Variants in DLGAP1 observed in about 807,000 individuals in gnomAD.
The protein encoded by DLGAP1 is DLG associated protein 1.
A neutral mutation model predicts 90.8 loss-of-function variants in DLGAP1; 11 were observed. That is an observed-to-expected ratio of 0.12 (90% confidence interval 0.08 to 0.20). The LOEUF (loss-of-function observed/expected upper bound fraction) is 0.20. Among genes scored for constraint, DLGAP1 ranks in the 10% least tolerant of loss-of-function variants. The pLI, the probability that DLGAP1 is intolerant of heterozygous loss-of-function variation, is 1.00. For synonymous variants in DLGAP1, 558 were observed against 540.7 expected, an observed-to-expected ratio of 1.03 and a Z score of -0.44; for missense variants, 1,050 against 1,333.8, an observed-to-expected ratio of 0.79 and a Z score of 3.31.
chr18:4,165,834 T>A lies in DLGAP1; in HGVS notation c.-266-14547A>T, dbSNP rs1453672560. ...TAGAGAAAATATTTGCAAACATATG[T>A]CTGGTAAGGGACTAATATCCAAAAT... On this transcript the variant is annotated intron_variant, in intron 1 of 12. Coordinates refer to ENST00000315677, the MANE Select transcript of DLGAP1 (RefSeq NM_004746.4). Among the ~76,000 whole-genome samples, 3 of 152,144 alleles carry A rather than the reference T, an allele frequency of 2.0e-5. No homozygotes were observed. In the East Asian group the frequency reaches 5.8e-4, roughly 29 times the overall value.
chr18:4,179,184 C>CT (rs887955626), intron 1 of DLGAP1, among the ~76,000 whole-genome samples: 7 of 151,960 alleles, frequency 4.6e-5, no homozygotes, highest in South Asian at 2.1e-4. Context: ...GTCTGTACCT[C>CT]TTTTTTTTGT....
chr18:4,234,921 T>C (rs1337248270), intron 1 of DLGAP1, among the ~76,000 whole-genome samples: 3 of 152,212 alleles, frequency 2.0e-5, no homozygotes, highest in African/African-American at 7.2e-5. Flanking sequence ...ACGTGAACCC[T>C]GAACTTTGTG....
At chr18:3,921,305 T>C (rs1456308023) in intron 3 of DLGAP1, among the ~76,000 whole-genome samples, 1 of 152,202 alleles carries the variant, frequency 6.6e-6, no homozygotes, top group Admixed American at 6.5e-5. Flanking sequence ...AGTTTATTTA[T>C]TTGAGAAAAA....
chr18:3,512,065 CT>C (rs5822764), intron 10 of DLGAP1, among the ~76,000 whole-genome samples: 61,744 of 147,656 alleles, frequency 0.42, 13,444 homozygotes, highest in East Asian at 0.63. Context: ...TCTGGTCATG[CT>C]TTTTTTTTTT....
At chr18:4,013,674 C>A (rs2074469754) in intron 2 of DLGAP1, 6 of 152,212 alleles carry the variant, frequency 3.9e-5, no homozygotes, top group Admixed American at 3.3e-4. Context: ...AGCCACCACA[C>A]ACTTTTGTCC....
intron 7 of DLGAP1, among the ~76,000 whole-genome samples, chr18:3,692,823 A>G (rs998856214): frequency 6.6e-6 from 1 of 152,234 alleles, no homozygotes; most frequent in African/African-American, 2.4e-5. Context: ...CTGGAAATTC[A>G]AACAACTTCT....
chr18:4,071,711 G>A (rs1260978505), intron 2 of DLGAP1, among the ~76,000 whole-genome samples: 1 of 152,140 alleles, frequency 6.6e-6, no homozygotes, highest in Non-Finnish European at 1.5e-5. Context: ...ATTGTAATAG[G>A]TCCAAAAGGA....
intron 2 of DLGAP1, among the ~76,000 whole-genome samples, chr18:4,062,972 C>T (rs2075319320): frequency 6.6e-6 from 1 of 152,082 alleles, no homozygotes; most frequent in South Asian, 2.1e-4. Flanking sequence ...TTGCTTCTAA[C>T]ATATACACAC....
intron 7 of DLGAP1, among the ~76,000 whole-genome samples, chr18:3,647,471 T>A (rs567130693): frequency 4.3e-4 from 51 of 118,200 alleles, no homozygotes; most frequent in African/African-American, 2.0e-3. Context: ...TTTAAGCTCC[T>A]TTTTTTTTTT....
At chr18:3,771,098 A>G (rs1224394701) in intron 5 of DLGAP1, 6 of 152,326 alleles carry the variant, frequency 3.9e-5, no homozygotes, top group Middle Eastern at 6.8e-3. Flanking sequence ...TATGCTAGCA[A>G]TATAAGCTAT....
At chr18:4,293,703 T>C (rs2079904434) in intron 1 of DLGAP1, 1 of 152,224 alleles carries the variant, frequency 6.6e-6, no homozygotes, top group African/African-American at 2.4e-5. Context: ...GAAGAATCTT[T>C]ATCGCATTTA....
chr18:3,669,720 T>A (rs1047064601), intron 7 of DLGAP1, among the ~76,000 whole-genome samples: 1 of 152,304 alleles, frequency 6.6e-6, no homozygotes, highest in South Asian at 2.1e-4. Flanking sequence ...GAACTACTTC[T>A]ACTCAGTAAA....
chr18:4,211,893 C>T (rs928048738), intron 1 of DLGAP1, among the ~76,000 whole-genome samples: 1 of 152,010 alleles, frequency 6.6e-6, no homozygotes, highest in African/African-American at 2.4e-5. Flanking sequence ...CTTTTTTTGA[C>T]CATTCTTTTG....
intron 3 of DLGAP1, among the ~76,000 whole-genome samples, chr18:3,882,374 A>G (rs1459583722): frequency 6.6e-6 from 1 of 151,810 alleles, no homozygotes; most frequent in African/African-American, 2.4e-5. Context: ...AGTCTTTAAA[A>G]AAAAAAAAAT....
chr18:4,019,380 C>T (rs1198780747), intron 2 of DLGAP1, among the ~76,000 whole-genome samples: 1 of 151,932 alleles, frequency 6.6e-6, no homozygotes, highest in Non-Finnish European at 1.5e-5. Context: ...ACACTTCCGT[C>T]GCTTAAGATT....
intron 5 of DLGAP1, among the ~76,000 whole-genome samples, chr18:3,754,042 C>T (rs1291833053): frequency 1.3e-5 from 2 of 152,200 alleles, no homozygotes; most frequent in Non-Finnish European, 2.9e-5. Flanking sequence ...CTCCCATCAT[C>T]TAGGCTAGAG....
intron 3 of DLGAP1, among the ~76,000 whole-genome samples, chr18:3,979,037 G>A (rs2073664628): frequency 1.3e-5 from 2 of 152,086 alleles, no homozygotes; most frequent in Admixed American, 1.3e-4. Context: ...TATAAACAAT[G>A]GAACACTACA....
intron 1 of DLGAP1, among the ~76,000 whole-genome samples, chr18:4,303,443 C>T (rs11659766): frequency 0.057 from 8,702 of 152,144 alleles, 696 homozygotes; most frequent in African/African-American, 0.18. Flanking sequence ...GAAGCAACCC[C>T]CACAAACCTC....
intron 3 of DLGAP1, among the ~76,000 whole-genome samples, chr18:3,915,791 T>C (rs571957337): frequency 1.3e-5 from 2 of 152,282 alleles, no homozygotes; most frequent in East Asian, 3.9e-4. Context: ...TGAAACCTTA[T>C]TTATTTTTTT....
Sources: gnomAD v4.1 joint callset for allele counts (sites outside exome capture counted in the v4.1 genomes callset) on GRCh38, gnomAD v4.1.1 for gene constraint, MANE v1.5 for transcripts, NCBI Gene and HGNC (gene_info 2026-07-23, HGNC 2026-07-21) for gene names.